NT5DC3: variants seen among roughly 807,000 people sequenced by gnomAD.
NT5DC3 encodes the protein 5'-nucleotidase domain containing 3, also known as 5'-nucleotidase domain-containing protein 3.
In NT5DC3, 42 loss-of-function variants were observed where a neutral mutation model predicts 67.8. The ratio of observed to expected loss-of-function variants is 0.62; its 90% CI spans 0.48 to 0.80. The LOEUF (loss-of-function observed/expected upper bound fraction) is 0.80, where lower values mean the gene tolerates loss of function less well. NT5DC3 is among the 30% of genes least tolerant of loss of function. The pLI is 0.00. For synonymous variants in NT5DC3, 237 were observed against 255.6 expected (o/e 0.93, Z 0.69); for missense variants, 570 against 696.4 (o/e 0.82, Z 2.04).
chr12:103,811,070 C>T lies in NT5DC3; in HGVS notation c.393+3867G>A, dbSNP rs533156108. On this transcript the variant is annotated intron_variant, in intron 2 of 13. Transcript: ENST00000392876. ...CTCTCTCCCTTACCTGCAGAACTCA[C>T]GGATGCAGATGTCAAATGTTTACTG... Among the ~76,000 whole-genome samples the T allele has an allele frequency of 1.7e-4, 26 of 152,318 alleles. No homozygotes were observed. In the East Asian group the frequency reaches 5.0e-3, roughly 29 times the overall value.
the NT5DC3 span, among the ~76,000 whole-genome samples, chr12:103,753,760 T>G: frequency 1.4e-4 from 22 of 152,118 alleles, no homozygotes; most frequent in African/African-American, 4.8e-4. Flanking sequence ...AAGGCAGAAG[T>G]GGAGACTGGA....
At chr12:103,781,125 C>A (rs1441674639) in intron 12 of NT5DC3, among the ~76,000 whole-genome samples, 1 of 152,190 alleles carries the variant, frequency 6.6e-6, no homozygotes, top group African/African-American at 2.4e-5. Flanking sequence ...TCACAAGTCC[C>A]TCTCCAAGGT....
rs1485303339 is a variant in NT5DC3 at position 103,776,668 on chromosome 12, AC to A, written c.*1160del. ...TCTTAGACATCTAAAAAAAAACAAA[AC>A]AAAACAAAAAAAAAAAAAACAAACT... On this transcript the variant is annotated 3_prime_UTR_variant, in exon 14 of 14. Transcript: ENST00000392876. 8.6e-5 allele frequency: 10 copies of A among 116,106 alleles called. No homozygotes were observed. In the South Asian group the frequency reaches 3.2e-3, roughly 37 times the overall value. 7.2% of individuals were successfully genotyped at this position (116,106 alleles called of 1,614,324 possible). A position where few individuals can be genotyped will look rare whatever the true frequency, so the allele number is the denominator to read the frequency against.
At chr12:103,812,588 C>T (rs192931646) in intron 2 of NT5DC3, among the ~76,000 whole-genome samples, 22 of 151,948 alleles carry the variant, frequency 1.4e-4, no homozygotes, top group African/African-American at 5.3e-4. Context: ...ATTTTATTTG[C>T]ATCTGAACAA....
At chr12:103,814,905 G>A (rs1267290859) in intron 2 of NT5DC3, 32 bp downstream of exon 2, 9 of 1,546,166 alleles carry the variant, frequency 5.8e-6, no homozygotes, top group Non-Finnish European at 7.0e-6. Flanking sequence ...GAAAAGGGGA[G>A]GGAGAAGCCT....
chr12:103,841,223 T>C lies in NT5DC3; in HGVS notation c.-67A>G. ...GACTGCTGCTGCCCGGCCCAAGATCTACCCGCGCTCTGCCCTGCAGGAGGG... is the reference window on the plus strand; with the variant it reads ...GACTGCTGCTGCCCGGCCCAAGATCCACCCGCGCTCTGCCCTGCAGGAGGG... On this transcript the variant is annotated 5_prime_UTR_variant, in exon 1 of 14. Transcript: ENST00000392876. 2.0e-6 allele frequency: 1 copy of C among 507,594 alleles called. No individual in the cohort carries two copies. The highest frequency in any genetic ancestry group is 3.4e-6 in the Non-Finnish European group (1 of 290,346). The allele number at this position is 507,594 out of a possible 1,614,324, so 31.4% of individuals were successfully genotyped here. A position where few individuals can be genotyped will look rare whatever the true frequency, so the allele number is the denominator to read the frequency against.
At chr12:103,817,948 C>T (rs944515295) in intron 1 of NT5DC3, among the ~76,000 whole-genome samples, 11 of 152,250 alleles carry the variant, frequency 7.2e-5, no homozygotes, top group Admixed American at 2.6e-4. Context: ...ATAGTAACAG[C>T]TCCAGTCAGG....
At chr12:103,805,750 G>C (rs1273470039) in intron 4 of NT5DC3, among the ~76,000 whole-genome samples, 3 of 150,650 alleles carry the variant, frequency 2.0e-5, no homozygotes. Flanking sequence ...GGAGGCTGAG[G>C]CAGGAGAATC....
chr12:103,837,640 A>G (rs1888208137), intron 1 of NT5DC3, among the ~76,000 whole-genome samples: 1 of 152,202 alleles, frequency 6.6e-6, no homozygotes, highest in African/African-American at 2.4e-5. Context: ...GCAGGGGCAA[A>G]ATGCCGCCAA....
chr12:103,827,236 A>T (rs1887735449), intron 1 of NT5DC3, among the ~76,000 whole-genome samples: 1 of 152,196 alleles, frequency 6.6e-6, no homozygotes, highest in African/African-American at 2.4e-5. Flanking sequence ...CAGAGTCAGA[A>T]TTTTAAATAA....
chr12:103,813,161 G>A (rs967115397), intron 2 of NT5DC3, among the ~76,000 whole-genome samples: 1 of 152,212 alleles, frequency 6.6e-6, no homozygotes, highest in African/African-American at 2.4e-5. Context: ...CAGCTGACCT[G>A]GAACTGAAAT....
intron 2 of NT5DC3, among the ~76,000 whole-genome samples, chr12:103,813,663 C>T (rs1399413946): frequency 6.6e-6 from 1 of 152,152 alleles, no homozygotes; most frequent in Non-Finnish European, 1.5e-5. Flanking sequence ...CCAGACCCCA[C>T]CTGGGGTAAC....
chr12:103,799,804 C>CAAAAAAAAAAAAAAAAAAAAAAAA (rs72379630), intron 4 of NT5DC3, among the ~76,000 whole-genome samples: 1 of 131,494 alleles, frequency 7.6e-6, no homozygotes, highest in Non-Finnish European at 1.6e-5. Context: ...CTCCACATAC[C>CAAAAAAAAAAAAAAAAAAAAAAAA]AAAAAAAAAA....
the NT5DC3 span, chr12:103,746,470 C>A: frequency 1.3e-6 from 1 of 774,026 alleles, no homozygotes; most frequent in Non-Finnish European, 2.2e-6. Flanking sequence ...ATCACCCCAT[C>A]TTCCTGCTGT....
chr12:103,746,738 C>T, the NT5DC3 span: 33 of 1,604,382 alleles, frequency 2.1e-5, no homozygotes, highest in African/African-American at 3.3e-4. Context: ...GAAATAGCAG[C>T]ATGGTGTGGG....
intron 1 of NT5DC3, among the ~76,000 whole-genome samples, chr12:103,820,106 G>T (rs1482731504): frequency 2.0e-5 from 3 of 152,206 alleles, no homozygotes; most frequent in Non-Finnish European, 2.9e-5. Flanking sequence ...AGGCTGCACA[G>T]TCCATTGTAG....
intron 3 of NT5DC3, 85 bp downstream of exon 3, chr12:103,806,770 G>T: frequency 1.2e-6 from 1 of 834,786 alleles, no homozygotes; most frequent in Non-Finnish European, 2.0e-6. Flanking sequence ...AAACTAATTT[G>T]CCCGTTCAGT....
At chr12:103,796,388 G>T (rs1479351190) in intron 6 of NT5DC3, among the ~76,000 whole-genome samples, 1 of 152,164 alleles carries the variant, frequency 6.6e-6, no homozygotes, top group Non-Finnish European at 1.5e-5. Flanking sequence ...GTGGTGGCAG[G>T]CGCCTGTAAT....
chr12:103,834,016 T>C (rs892570194), intron 1 of NT5DC3, among the ~76,000 whole-genome samples: 1 of 152,178 alleles, frequency 6.6e-6, no homozygotes, highest in Admixed American at 6.5e-5. Flanking sequence ...TGAGGCCAGA[T>C]AATTCTTTGT....
Sources: gnomAD v4.1 joint callset for allele counts (sites outside exome capture counted in the v4.1 genomes callset) on GRCh38, gnomAD v4.1.1 for gene constraint, MANE v1.5 for transcripts, NCBI Gene and HGNC (gene_info 2026-07-23, HGNC 2026-07-21) for gene names.